MYO18B: variants seen among roughly 807,000 people sequenced by gnomAD.
The protein encoded by MYO18B is myosin XVIIIB, also known as unconventional myosin-XVIIIb.
A neutral mutation model predicts 273.0 loss-of-function variants in MYO18B; 204 were observed. The ratio of observed to expected loss-of-function variants is 0.75; its 90% CI spans 0.67 to 0.84. The LOEUF is 0.84. Ranked by LOEUF, MYO18B falls within the 40% of genes least tolerant of loss-of-function variation. The pLI is 0.00. For synonymous variants in MYO18B, 1,330 were observed against 1,305.7 expected, an observed-to-expected ratio of 1.02 and a Z score of -0.40; for missense variants, 3,212 against 3,287.6, an observed-to-expected ratio of 0.98 and a Z score of 0.56.
intron 11 of MYO18B, among the ~76,000 whole-genome samples, chr22:25,791,555 C>T (rs1243615803): frequency 6.6e-6 from 1 of 152,146 alleles, no homozygotes; most frequent in Non-Finnish European, 1.5e-5. Flanking sequence ...AATCACAAAG[C>T]TTTCATATTA....
At chr22:26,033,687 A>G (rs769170283), downstream of MYO18B, among the ~76,000 whole-genome samples, 1 of 152,116 alleles carries the variant, frequency 6.6e-6, no homozygotes, top group Non-Finnish European at 1.5e-5. Flanking sequence ...AGCAGAAGGT[A>G]CTTACTCAAC....
At chr22:25,835,507 T>C (rs1028926749) in intron 17 of MYO18B, 64 bp downstream of exon 17, 2 of 1,598,926 alleles carry the variant, frequency 1.3e-6, no homozygotes, top group African/African-American at 1.3e-5. Flanking sequence ...TCTGTTCTTC[T>C]CTGCTGCAGG....
At chr22:25,818,439 T>C (rs59220162) in intron 12 of MYO18B, among the ~76,000 whole-genome samples, 9,635 of 152,268 alleles carry the variant, frequency 0.063, 447 homozygotes, top group East Asian at 0.12. Flanking sequence ...TGCACAAGAA[T>C]TTTGACTTTA....
intron 34 of MYO18B, among the ~76,000 whole-genome samples, chr22:25,928,402 C>CAAAAAA (rs71311529): frequency 2.1e-5 from 1 of 48,064 alleles, no homozygotes; most frequent in African/African-American, 7.6e-5. Context: ...GACCCGGCCT[C>CAAAAAA]AAAAAAAAAA....
intron 1 of MYO18B, among the ~76,000 whole-genome samples, chr22:25,757,355 C>G (rs943230867): frequency 2.6e-5 from 4 of 152,142 alleles, no homozygotes; most frequent in African/African-American, 9.7e-5. Flanking sequence ...TATCCCAGCA[C>G]TTTGGGAGCC....
In MYO18B at chr22:25,965,721, G is replaced by A. The variant is rs117241852; in HGVS notation, c.6156+10357G>A. Among the ~76,000 whole-genome samples the A allele has an allele frequency of 5.3e-3, 810 of 152,300 alleles. 24 individuals are homozygous for A. The East Asian group carries it at 0.1, about 20-fold the overall frequency. On this transcript the variant is annotated intron_variant, in intron 39 of 43. Coordinates refer to ENST00000335473, the MANE Select transcript of MYO18B (RefSeq NM_032608.7). ...TTAGAAAGCAATGTGTTTTGAGTAC[G>A]TATTACCTTTGTTTTTCATATATTT... is the stretch of plus-strand genomic sequence containing the variant.
At chr22:26,026,097 A>G (rs866736108) in intron 42 of MYO18B, among the ~76,000 whole-genome samples, 7 of 152,322 alleles carry the variant, frequency 4.6e-5, no homozygotes, top group Middle Eastern at 3.4e-3. Context: ...CCGGTCTTGA[A>G]GAAGCAAACT....
chr22:25,831,074 G>A (rs2089689299), intron 15 of MYO18B, among the ~76,000 whole-genome samples: 1 of 152,160 alleles, frequency 6.6e-6, no homozygotes, highest in African/African-American at 2.4e-5. Context: ...GGCAACCATT[G>A]TTACTATTCT....
chr22:26,044,575 CATT>C, the MYO18B span, among the ~76,000 whole-genome samples: 1 of 152,358 alleles, frequency 6.6e-6, no homozygotes, highest in Admixed American at 6.5e-5. Context: ...AAGATACAAA[CATT>C]ATCTCCATTT....
At chr22:25,836,110 T>G (rs1171950529) in intron 17 of MYO18B, among the ~76,000 whole-genome samples, 5 of 151,334 alleles carry the variant, frequency 3.3e-5, no homozygotes, top group Non-Finnish European at 5.9e-5. Context: ...TTGGTGGGAG[T>G]TGGATTGGTG....
intron 20 of MYO18B, among the ~76,000 whole-genome samples, chr22:25,848,748 C>T (rs2090333671): frequency 6.6e-6 from 1 of 152,198 alleles, no homozygotes; most frequent in Non-Finnish European, 1.5e-5. Flanking sequence ...CCAAAGGCCA[C>T]CACACTGACT....
chr22:25,797,492 G>A (rs562458423), intron 11 of MYO18B, among the ~76,000 whole-genome samples: 118 of 152,236 alleles, frequency 7.8e-4, no homozygotes, highest in African/African-American at 2.3e-3. Context: ...TTACCCTACA[G>A]AGCCTACCTC....
At chr22:25,882,240 A>T (rs551928212) in intron 25 of MYO18B, among the ~76,000 whole-genome samples, 4 of 152,140 alleles carry the variant, frequency 2.6e-5, no homozygotes, top group African/African-American at 9.7e-5. Flanking sequence ...CACAGGATAG[A>T]TAAAGAATGG....
chr22:25,828,677 T>G, intron 14 of MYO18B, 99 bp from the exon 15 acceptor site: 91 of 1,168,532 alleles, frequency 7.8e-5, no homozygotes, highest in Non-Finnish European at 1.0e-4. Context: ...CTGTAAGAGG[T>G]GAGCTTGGTT....
chr22:25,903,619 TTGTCTC>T lies in MYO18B; in HGVS notation c.4948-8_4948-3del. 6.3e-7 allele frequency: 1 copy of T among 1,592,228 alleles called. No individual in the cohort carries two copies. Among genetic ancestry groups the T allele is most frequent in the Non-Finnish European group, 8.6e-7 (1 of 1,169,014 alleles). On this transcript the variant is annotated splice_polypyrimidine_tract_variant and splice_region_variant and intron_variant, in intron 30 of 43. Coordinates refer to ENST00000335473, the MANE Select transcript of MYO18B (RefSeq NM_032608.7). ...ATGTGACTCCAGATCTCTGTCCTCT[TTGTCTC>T]TGTAGCAAAAGGAGCAGGAAGCCTC...
chr22:25,754,770 A>T (rs2086057184), intron 1 of MYO18B, among the ~76,000 whole-genome samples: 1 of 152,144 alleles, frequency 6.6e-6, no homozygotes, highest in South Asian at 2.1e-4. Flanking sequence ...GGGTCAGTGG[A>T]GCTGGCGCAG....
Position 25,772,568 on chromosome 22 carries a change from G to C in MYO18B, c.1869+58G>C, listed in dbSNP as rs1372590405. 2.0e-6 allele frequency: 3 copies of C among 1,519,504 alleles called. No individual in the cohort carries two copies. The African/African-American group carries it at 4.1e-5, about 21-fold the overall frequency. The allele number at this position is 1,519,504 out of a possible 1,614,324, so 94.1% of individuals were successfully genotyped here. A position where few individuals can be genotyped will look rare whatever the true frequency, so the allele number is the denominator to read the frequency against. On this transcript the variant is annotated intron_variant, in intron 7 of 43. Transcript: ENST00000335473. The stretch of plus-strand genomic sequence containing the variant: ...GGCTGAGGGCAGGGGGGCCTGGGGG[G>C]ATCCCTCTGCATCTGAGGTGACAGT...
chr22:25,758,348 A>G (rs1385486548), intron 1 of MYO18B, among the ~76,000 whole-genome samples: 3 of 151,846 alleles, frequency 2.0e-5, no homozygotes, highest in African/African-American at 7.2e-5. Flanking sequence ...TAAACATAAA[A>G]TTATTATACT....
intron 32 of MYO18B, 142 bp from the exon 33 acceptor site, chr22:25,910,804 C>G (rs2092141629): frequency 1.5e-6 from 1 of 659,404 alleles, no homozygotes; most frequent in Non-Finnish European, 2.7e-6. Flanking sequence ...CACAGAGACA[C>G]TACCACCCAA....
Sources: allele counts gnomAD v4.1 joint callset (sites outside exome capture counted in the v4.1 genomes callset), GRCh38; gene constraint gnomAD v4.1.1; transcripts MANE v1.5; gene names NCBI Gene and HGNC (gene_info 2026-07-23, HGNC 2026-07-21).